The following TGFB2 variants were observed in gnomAD, a reference collection of about 807,000 sequenced individuals.
The protein encoded by TGFB2 is transforming growth factor beta 2, also known as transforming growth factor beta-2 proprotein.
TGFB2 carries 13 observed loss-of-function variants against 42.7 expected under a neutral mutation model. The observed-to-expected ratio is 0.30, with a 90% confidence interval of 0.20 to 0.48. The LOEUF (loss-of-function observed/expected upper bound fraction) is 0.48. Ranked by LOEUF, TGFB2 falls within the 20% of genes least tolerant of loss-of-function variation. The probability of loss-of-function intolerance (pLI) is 0.99; values close to 1 mark genes in which losing one functional copy is unlikely to be tolerated. For synonymous variants in TGFB2, 193 were observed against 193.6 expected (o/e 1.00, Z 0.03); for missense variants, 390 against 517.5 (o/e 0.75, Z 2.39).
At chr1:218,393,568 A>G (rs1571864502) in intron 1 of TGFB2, among the ~76,000 whole-genome samples, 2 of 152,202 alleles carry the variant, frequency 1.3e-5, no homozygotes, top group East Asian at 3.8e-4. Flanking sequence ...TGAAAGAACC[A>G]AAAAGATGAC....
chr1:218,387,652 C>T (rs1658182384), intron 1 of TGFB2, among the ~76,000 whole-genome samples: 1 of 152,132 alleles, frequency 6.6e-6, no homozygotes, highest in African/African-American at 2.4e-5. Context: ...GTACCACTAC[C>T]TTCTCTTAAT....
chr1:218,436,037 C>T lies in TGFB2; in HGVS notation c.822C>T (p.Asn274=). 17 of 1,613,916 alleles carry T rather than the reference C, an allele frequency of 1.1e-5. No homozygotes were observed. The highest frequency in any genetic ancestry group is 1.4e-5 in the Non-Finnish European group (16 of 1,179,872). Residue 274 remains asparagine, a synonymous_variant, in exon 5 of 7, where the codon AAC becomes AAT. Transcript: ENST00000366930. ...CTATAAAGTCCACTAGGAAAAAAAA[C>T]AGTGGGAAGACCCCACATCTCCTGC... ...QKTIKSTRKK[N]SGKTPHLLLM... is the part of the protein sequence containing the mutation.
intron 1 of TGFB2, among the ~76,000 whole-genome samples, chr1:218,376,984 C>T (rs1473710537): frequency 6.6e-6 from 1 of 152,160 alleles, no homozygotes; most frequent in East Asian, 1.9e-4. Flanking sequence ...GCCTTGACCT[C>T]CTGGGCTCAA....
chr1:218,362,530 C>T (rs1657247190), intron 1 of TGFB2, among the ~76,000 whole-genome samples: 1 of 152,174 alleles, frequency 6.6e-6, no homozygotes, highest in South Asian at 2.1e-4. Context: ...AAATCAGTGA[C>T]AGAACAGGGG....
At chr1:218,358,786 C>T (rs1229952333) in intron 1 of TGFB2, among the ~76,000 whole-genome samples, 2 of 152,118 alleles carry the variant, frequency 1.3e-5, no homozygotes, top group East Asian at 3.9e-4. Flanking sequence ...TCATGATCTG[C>T]CTGCCTTGGC....
intron 1 of TGFB2, among the ~76,000 whole-genome samples, chr1:218,372,778 C>T (rs767079164): frequency 6.6e-6 from 1 of 152,176 alleles, no homozygotes; most frequent in Non-Finnish European, 1.5e-5. Flanking sequence ...GTATCAGAAT[C>T]ACCTGGGGAG....
At chr1:218,420,235 C>T (rs1183790912) in intron 2 of TGFB2, among the ~76,000 whole-genome samples, 11 of 152,178 alleles carry the variant, frequency 7.2e-5, no homozygotes, top group Non-Finnish European at 5.9e-5. Flanking sequence ...TGTGGTACAG[C>T]CTCAAAGACT....
intron 1 of TGFB2, among the ~76,000 whole-genome samples, chr1:218,353,235 G>A (rs149392093): frequency 3.3e-5 from 5 of 152,238 alleles, no homozygotes; most frequent in Non-Finnish European, 4.4e-5. Context: ...TTTCCTTTGC[G>A]ATAGTTCCAC....
chr1:218,405,164 T>C lies in TGFB2; in HGVS notation c.347-5T>C. The C allele has an allele frequency of 6.4e-7, 1 of 1,568,848 alleles. No homozygotes were observed. Among genetic ancestry groups the C allele is most frequent in the South Asian group, 1.2e-5 (1 of 85,050 alleles). On this transcript the variant is annotated splice_polypyrimidine_tract_variant and splice_region_variant and intron_variant, in intron 1 of 6. Transcript: ENST00000366930. ...ATTTTCAATGATTGCCCTAATTTTT[T>C]ACAGATGCCATCCCGCCCACTTTCT...
chr1:218,371,136 A>C (rs1657556983), intron 1 of TGFB2, among the ~76,000 whole-genome samples: 4 of 152,012 alleles, frequency 2.6e-5, no homozygotes. Context: ...CCATCTTTAC[A>C]AAAAATACAA....
At chr1:218,379,687 T>C (rs145245294) in intron 1 of TGFB2, among the ~76,000 whole-genome samples, 1 of 152,296 alleles carries the variant, frequency 6.6e-6, no homozygotes, top group East Asian at 1.9e-4. Flanking sequence ...CCTTTTTCTG[T>C]TCTCATGCCT....
rs866980858 is a variant in TGFB2 at position 218,346,222 on chromosome 1, C to G, written c.-480C>G. The G allele has an allele frequency of 6.1e-4, 96 of 156,670 alleles. No homozygotes were observed. The highest frequency in any genetic ancestry group is 3.2e-3 in the Middle Eastern group (1 of 314). 9.7% of individuals were successfully genotyped at this position (156,670 alleles called of 1,614,324 possible). ...AGGTCAGCCTCGGCGGCCCCCCTCA[C>G]CGCGCTCCCGGCGCCCCTCCCGTCA... On this transcript the variant is annotated 5_prime_UTR_variant, in exon 1 of 7. Coordinates refer to ENST00000366930, the MANE Select transcript of TGFB2 (RefSeq NM_003238.6). This position sits in a 1 kb window ranked among gnomAD's most constrained non-coding sequence, Gnocchi z 4.9.
At chr1:218,394,602 C>T (rs1001773911) in intron 1 of TGFB2, among the ~76,000 whole-genome samples, 2 of 152,170 alleles carry the variant, frequency 1.3e-5, no homozygotes, top group African/African-American at 4.8e-5. Context: ...CCATTGCCAA[C>T]AGCTCGTCAA....
At chr1:218,419,486 T>G (rs1659386749) in intron 2 of TGFB2, among the ~76,000 whole-genome samples, 1 of 152,228 alleles carries the variant, frequency 6.6e-6, no homozygotes, top group Admixed American at 6.5e-5. Flanking sequence ...CCATATTTGA[T>G]CTATTCCATC....
chr1:218,382,358 G>A lies in TGFB2; in HGVS notation c.347-22811G>A, dbSNP rs139082029. On this transcript the variant is annotated intron_variant, in intron 1 of 6. Coordinates refer to ENST00000366930, the MANE Select transcript of TGFB2 (RefSeq NM_003238.6). ...AAAATCAATGTTTTTAGCTGAAGGC[G>A]GAAAATTATAAAAGCAAAGGTGTGA... Among the ~76,000 whole-genome samples, 121 of 152,226 alleles carry A rather than the reference G, an allele frequency of 7.9e-4. 1 individual carries two copies. Among genetic ancestry groups the A allele is most frequent in the East Asian group, 5.0e-3 (26 of 5,180 alleles).
chr1:218,351,657 G>A lies in TGFB2; in HGVS notation c.346+4610G>A, dbSNP rs554699482. Among the ~76,000 whole-genome samples, 3 of 152,238 alleles carry A rather than the reference G, an allele frequency of 2.0e-5. No homozygotes were observed. In the South Asian group the frequency reaches 6.2e-4, roughly 32 times the overall value. ...AGGAGACCCCACCCGATGAAAGAGG[G>A]GCTTTGCAGAGGTTGAGGGGCAGGT... is the stretch of plus-strand genomic sequence containing the variant. On this transcript the variant is annotated intron_variant, in intron 1 of 6. Transcript: ENST00000366930.
intron 5 of TGFB2, among the ~76,000 whole-genome samples, chr1:218,437,136 A>G (rs1009432291): frequency 6.6e-6 from 1 of 152,158 alleles, no homozygotes; most frequent in African/African-American, 2.4e-5. Context: ...GTAGTCCAGC[A>G]AATCACCACC....
chr1:218,418,520 T>C (rs954730215), intron 2 of TGFB2, among the ~76,000 whole-genome samples: 3 of 152,164 alleles, frequency 2.0e-5, no homozygotes, highest in Non-Finnish European at 4.4e-5. Context: ...CTGTGGACTT[T>C]TGAGTTAATG....
intron 2 of TGFB2, among the ~76,000 whole-genome samples, chr1:218,419,922 A>G (rs1571888111): frequency 6.6e-6 from 1 of 152,220 alleles, no homozygotes; most frequent in Non-Finnish European, 1.5e-5. Flanking sequence ...TTTCAGAAAA[A>G]ACAAGCTCTT....
Sources: gnomAD v4.1 joint callset for allele counts (sites outside exome capture counted in the v4.1 genomes callset) on GRCh38, gnomAD v4.1.1 for gene constraint, Gnocchi (gnomAD v3.1) non-coding constraint, MANE v1.5 for transcripts, NCBI Gene and HGNC (gene_info 2026-07-23, HGNC 2026-07-21) for gene names.